Variants in ZNF267 observed in about 807,000 individuals in gnomAD.
ZNF267 encodes zinc finger (C2H2).
A neutral mutation model predicts 71.6 loss-of-function variants in ZNF267; 61 were observed. That is an observed-to-expected ratio of 0.85 (90% CI 0.69 to 1.05). The LOEUF (loss-of-function observed/expected upper bound fraction) is 1.05, where lower values mean the gene tolerates loss of function less well. Ranked by LOEUF, ZNF267 falls within the 50% of genes least tolerant of loss-of-function variation. The probability of loss-of-function intolerance (pLI) is 0.00; values close to 1 mark genes in which losing one functional copy is unlikely to be tolerated. For synonymous variants in ZNF267, 288 were observed against 293.2 expected, an observed-to-expected ratio of 0.98 and a Z score of 0.18; for missense variants, 852 against 870.0, an observed-to-expected ratio of 0.98 and a Z score of 0.26.
intron 3 of ZNF267, among the ~76,000 whole-genome samples, chr16:31,886,874 A>G (rs1196845426): frequency 1.3e-5 from 2 of 152,220 alleles, no homozygotes; most frequent in East Asian, 1.9e-4. Flanking sequence ...CTTTGGTTAT[A>G]CAATTAGAAG....
At chr16:31,894,463 TTC>T (rs1491190884) in intron 3 of ZNF267, 18 of 452,314 alleles carry the variant, frequency 4.0e-5, no homozygotes, top group Admixed American at 2.7e-5. Flanking sequence ...TGTTTTTTTT[TTC>T]TGACTATTCT....
chr16:31,908,400 A>C (rs1286778961), intron 3 of ZNF267, among the ~76,000 whole-genome samples: 1 of 152,106 alleles, frequency 6.6e-6, no homozygotes, highest in African/African-American at 2.4e-5. Context: ...GTGCTTTTTA[A>C]CTTGACATGA....
Position 31,914,947 on chromosome 16 carries a change from A to C in ZNF267, c.698A>C (p.Asn233Thr). Residue 233 changes from asparagine to threonine, a missense_variant, in exon 4 of 4, where the codon AAT (asparagine) becomes ACT (threonine). By Grantham distance (65) the Asn-to-Thr change is moderately conservative. Coordinates refer to ENST00000300870, the MANE Select transcript of ZNF267 (RefSeq NM_003414.6). ...TTGAACCAAAGCTCAAGCCCTAAAA[A>C]TCATCAGGAAAATTATTTTCTAGAA... ...KTLNQSSSPK[N>T]HQENYFLEKQ... 6.2e-7 allele frequency: 1 copy of C among 1,609,206 alleles called. No homozygotes were observed. The highest frequency in any genetic ancestry group is 1.1e-5 in the South Asian group (1 of 89,382).
At chr16:31,891,533 G>T (rs181884541) in intron 3 of ZNF267, among the ~76,000 whole-genome samples, 59 of 152,274 alleles carry the variant, frequency 3.9e-4, no homozygotes, top group Non-Finnish European at 6.9e-4. Flanking sequence ...ATTCCCACAT[G>T]CTGTGGGAGG....
intron 1 of ZNF267, among the ~76,000 whole-genome samples, chr16:31,882,429 C>T (rs1035075301): frequency 2.0e-5 from 3 of 152,150 alleles, no homozygotes; most frequent in African/African-American, 7.2e-5. Flanking sequence ...TAGCTGAGTG[C>T]TATTGATAAT....
chr16:31,890,570 C>T (rs2083953453), intron 3 of ZNF267, among the ~76,000 whole-genome samples: 1 of 152,200 alleles, frequency 6.6e-6, no homozygotes, highest in Admixed American at 6.5e-5. Flanking sequence ...TTATTCTAGT[C>T]TGTTTTGTTT....
At chr16:31,903,137 C>T (rs1184183028) in intron 3 of ZNF267, among the ~76,000 whole-genome samples, 18 of 152,154 alleles carry the variant, frequency 1.2e-4, no homozygotes, top group Admixed American at 1.1e-3. Flanking sequence ...GGGATGAAGT[C>T]CACTTGATCA....
intron 3 of ZNF267, among the ~76,000 whole-genome samples, chr16:31,900,521 T>G (rs1354473462): frequency 6.6e-6 from 1 of 152,186 alleles, no homozygotes; most frequent in Non-Finnish European, 1.5e-5. Context: ...CTTGGCTCAC[T>G]GCAGGCTCCG....
chr16:31,915,741 G>C lies in ZNF267; in HGVS notation c.1492G>C (p.Gly498Arg). The change falls in exon 4 of 4, where the codon GGC becomes CGC. Residue 498 changes from glycine (G) to arginine (R), a missense_variant. Transcript: ENST00000300870. ...GAAGCCTTATAAATGTAAAGAATGT[G>C]GCAAAGTCTTTAGCCGTAGTTCTTG... ...GEKPYKCKEC[G>R]KVFSRSSCLT... 1 of 1,613,268 alleles carries C rather than the reference G, an allele frequency of 6.2e-7. No homozygotes were observed. Among genetic ancestry groups the C allele is most frequent in the Non-Finnish European group, 8.5e-7 (1 of 1,179,896 alleles).
At chr16:31,908,516 G>A (rs1349498855) in intron 3 of ZNF267, among the ~76,000 whole-genome samples, 1 of 152,134 alleles carries the variant, frequency 6.6e-6, no homozygotes, top group East Asian at 1.9e-4. Context: ...TTTTCTTGTA[G>A]TAGTTTCATA....
intron 3 of ZNF267, among the ~76,000 whole-genome samples, chr16:31,904,652 G>T (rs377281337): frequency 6.6e-6 from 1 of 151,794 alleles, no homozygotes; most frequent in Non-Finnish European, 1.5e-5. Flanking sequence ...ATCTTCCTCC[G>T]TCCCTTTATT....
rs548628247 is a variant in ZNF267, at chr16:31,899,165, C to T, written c.226+13909C>T. 7.9e-5 allele frequency among the ~76,000 whole-genome samples: 12 copies of T among 152,270 alleles called. 1 individual carries two copies. The East Asian group carries it at 1.7e-3, about 22-fold the overall frequency. On this transcript the variant is annotated intron_variant, in intron 3 of 3. Coordinates refer to ENST00000300870, the MANE Select transcript of ZNF267 (RefSeq NM_003414.6). ...AAGGATATCTAGGACTTGAAGTCAG[C>T]TCTGGACCAAGCAGACCTAATAGAC... is the stretch of plus-strand genomic sequence containing the variant.
chr16:31,905,889 GC>G (rs1026624756), intron 3 of ZNF267, among the ~76,000 whole-genome samples: 5 of 152,004 alleles, frequency 3.3e-5, no homozygotes, highest in Admixed American at 6.5e-5. Context: ...CAGTGTTTCT[GC>G]TGTTTTTTCC....
intron 3 of ZNF267, among the ~76,000 whole-genome samples, chr16:31,899,836 TATACTC>T (rs1192776997): frequency 4.6e-5 from 7 of 152,346 alleles, no homozygotes; most frequent in East Asian, 3.9e-4. Context: ...TTATAAATGA[TATACTC>T]ATATGAGTGT....
chr16:31,887,738 A>G (rs767294645), intron 3 of ZNF267, among the ~76,000 whole-genome samples: 7 of 151,998 alleles, frequency 4.6e-5, no homozygotes, highest in East Asian at 1.9e-4. Flanking sequence ...CCATTGGTCT[A>G]TGTGTCTGTT....
intron 1 of ZNF267, among the ~76,000 whole-genome samples, chr16:31,875,602 C>T (rs557369908): frequency 2.0e-5 from 3 of 152,264 alleles, no homozygotes; most frequent in Non-Finnish European, 2.9e-5. Context: ...AACTCGGCTG[C>T]GGTGTCCATG....
chr16:31,901,112 C>G (rs2084037547), intron 3 of ZNF267, among the ~76,000 whole-genome samples: 1 of 152,000 alleles, frequency 6.6e-6, no homozygotes, highest in Non-Finnish European at 1.5e-5. Context: ...CATCCATGTC[C>G]CTACAAAGGA....
At chr16:31,897,926 A>G (rs940606738) in intron 3 of ZNF267, among the ~76,000 whole-genome samples, 5 of 152,148 alleles carry the variant, frequency 3.3e-5, no homozygotes, top group African/African-American at 4.8e-5. Flanking sequence ...GATTAAAGAC[A>G]TTGTGTATTT....
chr16:31,882,851 A>G (rs2083899603), intron 1 of ZNF267, among the ~76,000 whole-genome samples: 1 of 152,114 alleles, frequency 6.6e-6, no homozygotes, highest in Non-Finnish European at 1.5e-5. Flanking sequence ...CTTCGCTATA[A>G]AGTTAATCAT....
Sources: allele counts gnomAD v4.1 joint callset (sites outside exome capture counted in the v4.1 genomes callset), GRCh38; gene constraint gnomAD v4.1.1; transcripts MANE v1.5; gene names NCBI Gene and HGNC (gene_info 2026-07-23, HGNC 2026-07-21).